Variants in DZIP3 observed in about 807,000 individuals in gnomAD.
The protein encoded by DZIP3 is E3 ubiquitin-protein ligase DZIP3.
DZIP3 carries 118 observed loss-of-function variants against 162.0 expected under a neutral mutation model. The observed-to-expected ratio is 0.73, with a 90% confidence interval of 0.63 to 0.85. The LOEUF is 0.85. Among genes scored for constraint, DZIP3 ranks in the 40% least tolerant of loss-of-function variants. DZIP3 has a pLI of 0.00. For missense variants in DZIP3, 1,331 were observed against 1,407.0 expected (o/e 0.95, Z 0.86); for synonymous variants, 438 against 458.6 (o/e 0.96, Z 0.57).
At chr3:108,622,872 C>G (rs1210404700) in intron 5 of DZIP3, among the ~76,000 whole-genome samples, 5 of 128,054 alleles carry the variant, frequency 3.9e-5, no homozygotes, top group African/African-American at 1.5e-4. Context: ...CTCTCTCTCT[C>G]TCTCTCTCTG....
chr3:108,655,272 G>A (rs1943055653), intron 19 of DZIP3, among the ~76,000 whole-genome samples: 1 of 152,158 alleles, frequency 6.6e-6, no homozygotes, highest in African/African-American at 2.4e-5. Context: ...TATGGATAAT[G>A]TTTACAATCT....
At chr3:108,690,140 T>C (rs937746093) in intron 31 of DZIP3, among the ~76,000 whole-genome samples, 2 of 152,216 alleles carry the variant, frequency 1.3e-5, no homozygotes, top group Non-Finnish European at 2.9e-5. Flanking sequence ...GTAGAAAGCA[T>C]ATAATTCATT....
intron 1 of DZIP3, 76 bp downstream of exon 1, chr3:108,589,915 C>G (rs926093496): frequency 5.2e-5 from 8 of 152,446 alleles, no homozygotes; most frequent in African/African-American, 1.9e-4. Context: ...TTTTAAATCT[C>G]TCCTACACCC....
rs1250680425 is a variant in DZIP3 at position 108,644,578 on chromosome 3, A to G, written c.1556A>G (p.Asn519Ser). 1.2e-6 allele frequency: 2 copies of G among 1,614,104 alleles called. No homozygotes were observed. Among genetic ancestry groups the G allele is most frequent in the Admixed American group, 3.3e-5 (2 of 60,004 alleles). The stretch of plus-strand genomic sequence containing the variant: ...ATCCTCCTTAGTGAGATTTTGATGA[A>G]TGGTCTCACTGAGTCACAGTTCAAT... ...RDILLSEILM[N>S]GLTESQFNSI... is the part of the protein sequence containing the mutation. The change falls in exon 14 of 33, where the codon AAT becomes AGT. Residue 519 changes from asparagine to serine, a missense_variant. Coordinates refer to ENST00000361582, the MANE Select transcript of DZIP3 (RefSeq NM_014648.4).
intron 19 of DZIP3, among the ~76,000 whole-genome samples, chr3:108,658,938 C>G (rs2107279604): frequency 6.6e-6 from 1 of 152,122 alleles, no homozygotes; most frequent in South Asian, 2.1e-4. Flanking sequence ...AAGACTAAAC[C>G]AGGAAGAAGT....
At chr3:108,602,266 C>G (rs944106942) in intron 1 of DZIP3, among the ~76,000 whole-genome samples, 15 of 152,086 alleles carry the variant, frequency 9.9e-5, no homozygotes, top group African/African-American at 3.6e-4. Flanking sequence ...AAACAAAATA[C>G]CTTTACAACT....
intron 1 of DZIP3, among the ~76,000 whole-genome samples, chr3:108,591,673 A>G (rs553224968): frequency 1.3e-5 from 2 of 152,316 alleles, no homozygotes; most frequent in Admixed American, 6.5e-5. Flanking sequence ...AGAAACACCA[A>G]TCCATACTTT....
At chr3:108,643,376 G>T (rs899557819) in intron 13 of DZIP3, among the ~76,000 whole-genome samples, 1 of 151,916 alleles carries the variant, frequency 6.6e-6, no homozygotes, top group Non-Finnish European at 1.5e-5. Context: ...TTTTGAGGGG[G>T]TGAGAAGATG....
intron 19 of DZIP3, 163 bp downstream of exon 19, chr3:108,654,473 G>A: frequency 4.2e-6 from 3 of 716,084 alleles, no homozygotes; most frequent in South Asian, 1.9e-5. Flanking sequence ...AAGGAAAATA[G>A]AATAAGGAAA....
rs759935016 is a variant in DZIP3, at chr3:108,662,115, T to A, written c.2296-15T>A. On this transcript the variant is annotated splice_polypyrimidine_tract_variant and intron_variant, in intron 20 of 32. Coordinates refer to ENST00000361582, the MANE Select transcript of DZIP3 (RefSeq NM_014648.4). ...TTGAACATAATTATCTGAAATAATA[T>A]TTTTTATTGATCAGGATTTCAAAAG... 3.2e-6 allele frequency: 5 copies of A among 1,580,570 alleles called. No individual in the cohort carries two copies. Among genetic ancestry groups the A allele is most frequent in the Non-Finnish European group, 4.3e-6 (5 of 1,169,216 alleles).
chr3:108,685,296 C>T lies in DZIP3; in HGVS notation c.3009+955C>T, dbSNP rs575212761. Among the ~76,000 whole-genome samples, 13 of 152,178 alleles carry T rather than the reference C, an allele frequency of 8.5e-5. No homozygotes were observed. The South Asian group carries it at 2.5e-3, about 29-fold the overall frequency. On this transcript the variant is annotated intron_variant, in intron 27 of 32. Transcript: ENST00000361582. ...AAAAACATTAAAATACCTTAATCTC[C>T]TAATAAGATTACTTTCTGATTCCTG...
intron 12 of DZIP3, among the ~76,000 whole-genome samples, chr3:108,640,971 A>G (rs1406367315): frequency 6.8e-6 from 1 of 147,958 alleles, no homozygotes; most frequent in Non-Finnish European, 1.5e-5. Context: ...TTCCATTTGT[A>G]TTTTCTTTAC....
chr3:108,611,070 GAAAATGAGCTTTGTTCCTTTTTTAA>G, intron 3 of DZIP3, 79 bp from the exon 4 acceptor site: 2 of 1,134,516 alleles, frequency 1.8e-6, no homozygotes, highest in Non-Finnish European at 2.5e-6. Flanking sequence ...GAGAACAAGG[GAAAATGAGCTTTGTTCCTTTTTTAA>G]TGCTTTGGCT....
Position 108,669,659 on chromosome 3 carries a change from ACTTTC to A in DZIP3, c.2424-21_2424-17del. On this transcript the variant is annotated splice_polypyrimidine_tract_variant and intron_variant, in intron 21 of 32. Transcript: ENST00000361582. ...GAGAAATAATTTCTAACATCTTTTG[ACTTTC>A]TTGCTTGTTTGCTTAGATTACAGCG... 6.2e-7 allele frequency: 1 copy of A among 1,607,044 alleles called. No individual in the cohort carries two copies. The highest frequency in any genetic ancestry group is 1.1e-5 in the South Asian group (1 of 90,568).
In DZIP3 at chr3:108,627,977, C is replaced by G. The variant is rs1008901514; in HGVS notation, c.582-1085C>G. ...CACTGCAACCTCCAACTCCCTGGTT[C>G]AAGGGATTCTCCTGCCTCTGCCTCC... On this transcript the variant is annotated intron_variant, in intron 7 of 32. Transcript: ENST00000361582. Among the ~76,000 whole-genome samples, 5 of 152,114 alleles carry G rather than the reference C, an allele frequency of 3.3e-5. No homozygotes were observed. In the East Asian group the frequency reaches 9.6e-4, roughly 29 times the overall value.
chr3:108,677,709 C>A lies in DZIP3; in HGVS notation c.2883+111C>A, dbSNP rs1944163656. The A allele has an allele frequency of 1.1e-5, 10 of 946,694 alleles. No individual in the cohort carries two copies. In the South Asian group the frequency reaches 1.2e-4, roughly 12 times the overall value. 58.6% of individuals were successfully genotyped at this position (946,694 alleles called of 1,614,324 possible). ...TAACGTGTGTTCAAAATGGAATAGGCACATATTGTGAGTATCACTTGTAAT... is the reference window on the plus strand; with the variant it reads ...TAACGTGTGTTCAAAATGGAATAGGAACATATTGTGAGTATCACTTGTAAT... On this transcript the variant is annotated intron_variant, in intron 26 of 32. Coordinates refer to ENST00000361582, the MANE Select transcript of DZIP3 (RefSeq NM_014648.4).
chr3:108,611,085 T>G (rs992019885), intron 3 of DZIP3, 89 bp from the exon 4 acceptor site: 7 of 1,294,436 alleles, frequency 5.4e-6, no homozygotes, highest in Non-Finnish European at 7.3e-6. Context: ...TGAGCTTTGT[T>G]CCTTTTTTAA....
At chr3:108,636,591 T>A in intron 10 of DZIP3, 25 bp from the exon 11 acceptor site, 1 of 1,446,040 alleles carries the variant, frequency 6.9e-7, no homozygotes. Flanking sequence ...TTTCTATTTT[T>A]ATTTTTTTCT....
chr3:108,616,468 AT>A, intron 4 of DZIP3, 72 bp from the exon 5 acceptor site: 1 of 1,001,552 alleles, frequency 1.0e-6, no homozygotes, highest in Admixed American at 2.6e-5. Flanking sequence ...AGCATGAATT[AT>A]TTGTATAATG....
Sources: allele counts gnomAD v4.1 joint callset (sites outside exome capture counted in the v4.1 genomes callset), GRCh38; gene constraint gnomAD v4.1.1; transcripts MANE v1.5; gene names NCBI Gene and HGNC (gene_info 2026-07-23, HGNC 2026-07-21).